The following ZNF362 variants were observed in gnomAD, a reference collection of about 807,000 sequenced individuals.
ZNF362 encodes rotund homolog.
In ZNF362, 11 loss-of-function variants were observed where a neutral mutation model predicts 42.9. The ratio of observed to expected loss-of-function variants is 0.26; its 90% CI spans 0.16 to 0.42. The LOEUF (loss-of-function observed/expected upper bound fraction) is 0.42. Ranked by LOEUF, ZNF362 falls within the 20% of genes least tolerant of loss-of-function variation. The probability of loss-of-function intolerance (pLI) is 1.00; values close to 1 mark genes in which losing one functional copy is unlikely to be tolerated. For synonymous variants in ZNF362, 255 were observed against 257.3 expected (o/e 0.99, Z 0.09); for missense variants, 362 against 576.2 (o/e 0.63, Z 3.81).
intron 4 of ZNF362, among the ~76,000 whole-genome samples, chr1:33,277,149 A>C (rs1645957104): frequency 6.6e-6 from 1 of 152,230 alleles, no homozygotes; most frequent in Non-Finnish European, 1.5e-5. Flanking sequence ...ACCAGTGTTC[A>C]TTGTACTCCC....
intron 1 of ZNF362, chr1:33,261,682 T>C (rs1645828759): frequency 1.3e-5 from 2 of 152,178 alleles, no homozygotes; most frequent in Admixed American, 1.3e-4. Context: ...CTGATGACAT[T>C]TATGTATGCA....
the ZNF362 span, among the ~76,000 whole-genome samples, chr1:33,197,663 G>T: frequency 6.6e-6 from 1 of 152,042 alleles, no homozygotes; most frequent in African/African-American, 2.4e-5. Flanking sequence ...TACGGGGGAG[G>T]GAACCCAGGC....
intron 1 of ZNF362, among the ~76,000 whole-genome samples, chr1:33,267,255 G>A (rs911609656): frequency 6.6e-6 from 1 of 152,048 alleles, no homozygotes; most frequent in African/African-American, 2.4e-5. Flanking sequence ...CAGGCCTATC[G>A]CCCCATCAGC....
rs1645989754 is a variant in ZNF362, at chr1:33,281,005, G to T, written c.683+548G>T. 2.0e-5 allele frequency among the ~76,000 whole-genome samples: 3 copies of T among 152,140 alleles called. No homozygotes were observed. In the South Asian group the frequency reaches 6.2e-4, roughly 32 times the overall value. On this transcript the variant is annotated intron_variant, in intron 5 of 8. Coordinates refer to ENST00000539719, the MANE Select transcript of ZNF362 (RefSeq NM_152493.3). The surrounding 1 kb of genome is among the most constrained non-coding windows in gnomAD (Gnocchi z 4.8). ...AATAACTCGAACTTGGGAGGCAGAGGCTGCAGTGAGCCGAGGTCGGGCCAC... is the reference window on the plus strand; with the variant it reads ...AATAACTCGAACTTGGGAGGCAGAGTCTGCAGTGAGCCGAGGTCGGGCCAC...
the ZNF362 span, among the ~76,000 whole-genome samples, chr1:33,229,113 G>A: frequency 0.06 from 9,125 of 152,062 alleles, 332 homozygotes; most frequent in Non-Finnish European, 0.068. Flanking sequence ...AAGGTTGGGG[G>A]TGGGGGTGGG....
At chr1:33,216,009 C>T in the ZNF362 span, among the ~76,000 whole-genome samples, 1 of 151,312 alleles carries the variant, frequency 6.6e-6, no homozygotes, top group African/African-American at 2.4e-5. Context: ...TATCTCCAAC[C>T]TGTGATATAT....
At chr1:33,260,281 A>G (rs954813653) in intron 1 of ZNF362, among the ~76,000 whole-genome samples, 5 of 152,252 alleles carry the variant, frequency 3.3e-5, no homozygotes, top group African/African-American at 1.2e-4. Flanking sequence ...TTAATAGTCC[A>G]GGCTCTGCCC....
At chr1:33,180,637 TG>T in the ZNF362 span, among the ~76,000 whole-genome samples, 2 of 152,206 alleles carry the variant, frequency 1.3e-5, no homozygotes, top group Non-Finnish European at 2.9e-5. Flanking sequence ...AGTCTGACAG[TG>T]GCCCTGCCTT....
chr1:33,272,590 G>A (rs1385118203), intron 2 of ZNF362, among the ~76,000 whole-genome samples: 1 of 152,064 alleles, frequency 6.6e-6, no homozygotes, highest in African/African-American at 2.4e-5. Flanking sequence ...GGCTTTTGTC[G>A]TGCTTGAGGC....
At chr1:33,207,444 A>G in the ZNF362 span, among the ~76,000 whole-genome samples, 3 of 152,236 alleles carry the variant, frequency 2.0e-5, no homozygotes, top group African/African-American at 7.2e-5. Flanking sequence ...AGCATGATTT[A>G]TAATCCTTTG....
intron 1 of ZNF362, among the ~76,000 whole-genome samples, chr1:33,268,231 T>G (rs1426116178): frequency 2.0e-5 from 3 of 151,842 alleles, no homozygotes; most frequent in African/African-American, 7.3e-5. Context: ...ACACAGGAAA[T>G]AGTAAACAGT....
intron 1 of ZNF362, among the ~76,000 whole-genome samples, chr1:33,258,539 CAG>C (rs1247550970): frequency 1.3e-5 from 2 of 152,130 alleles, no homozygotes; most frequent in South Asian, 2.1e-4. Flanking sequence ...AACTGAGGTC[CAG>C]AGAGAGGAAG....
chr1:33,268,426 C>T (rs1450657836), intron 1 of ZNF362, among the ~76,000 whole-genome samples: 1 of 152,166 alleles, frequency 6.6e-6, no homozygotes, highest in Non-Finnish European at 1.5e-5. Context: ...CAGCCATGAT[C>T]CCTCCCCATC....
chr1:33,277,677 A>G (rs1356040418), intron 4 of ZNF362, among the ~76,000 whole-genome samples: 1 of 152,118 alleles, frequency 6.6e-6, no homozygotes, highest in African/African-American at 2.4e-5. Context: ...GTGGGAGAAG[A>G]GAGGACAGGA....
Position 33,281,152 on chromosome 1 carries a change from C to T in ZNF362, c.684-435C>T, listed in dbSNP as rs1025102602. Among the ~76,000 whole-genome samples, 4 of 152,190 alleles carry T rather than the reference C, an allele frequency of 2.6e-5. No homozygotes were observed. In the South Asian group the frequency reaches 8.3e-4, roughly 32 times the overall value. On this transcript the variant is annotated intron_variant, in intron 5 of 8. Coordinates refer to ENST00000539719, the MANE Select transcript of ZNF362 (RefSeq NM_152493.3). The surrounding 1 kb of genome is among the most constrained non-coding windows in gnomAD (Gnocchi z 4.8). Reference sequence around the variant, plus strand: ...AATGCGGATGCCAGGGCTGCATCTCCAGGAATTCTGAGTTAATTTTCTGAG... The same window carrying T: ...AATGCGGATGCCAGGGCTGCATCTCTAGGAATTCTGAGTTAATTTTCTGAG...
At chr1:33,175,876 T>G in the ZNF362 span, among the ~76,000 whole-genome samples, 1 of 152,196 alleles carries the variant, frequency 6.6e-6, no homozygotes, top group Non-Finnish European at 1.5e-5. Flanking sequence ...AGTCATTGTT[T>G]CATCATTGTT....
chr1:33,175,644 C>A, the ZNF362 span, among the ~76,000 whole-genome samples: 2 of 152,194 alleles, frequency 1.3e-5, no homozygotes, highest in Admixed American at 1.3e-4. Flanking sequence ...CACTTTGAAT[C>A]TCAGCTCTTC....
the ZNF362 span, chr1:33,181,238 G>T: frequency 1.3e-6 from 2 of 1,560,264 alleles, no homozygotes. This position sits in a 1 kb window ranked among gnomAD's most constrained non-coding sequence, Gnocchi z 6.5. Flanking sequence ...CCAGCTTGAG[G>T]CTGGGCGCCA....
At chr1:33,247,398 A>G in the ZNF362 span, among the ~76,000 whole-genome samples, 1 of 152,246 alleles carries the variant, frequency 6.6e-6, no homozygotes, top group South Asian at 2.1e-4. Context: ...GGCTGCGGCT[A>G]TCTTCCACTT....
Sources: allele counts gnomAD v4.1 joint callset (sites outside exome capture counted in the v4.1 genomes callset), GRCh38; gene constraint gnomAD v4.1.1; non-coding constraint Gnocchi (gnomAD v3.1); transcripts MANE v1.5; gene names NCBI Gene and HGNC (gene_info 2026-07-23, HGNC 2026-07-21).